The following MYO16 variants were observed in gnomAD, a reference collection of about 807,000 sequenced individuals.
The protein encoded by MYO16 is unconventional myosin-XVI.
MYO16 carries 94 observed loss-of-function variants against 205.3 expected under a neutral mutation model. That is an observed-to-expected ratio of 0.46 (90% CI 0.39 to 0.54). The LOEUF is 0.54. MYO16 is among the 20% of genes least tolerant of loss of function. MYO16 has a pLI of 0.00. For synonymous variants in MYO16, 988 were observed against 954.0 expected, an observed-to-expected ratio of 1.04 and a Z score of -0.66; for missense variants, 2,315 against 2,387.5, an observed-to-expected ratio of 0.97 and a Z score of 0.63.
chr13:108,750,722 G>C (rs1409667640), intron 4 of MYO16, among the ~76,000 whole-genome samples: 1 of 151,990 alleles, frequency 6.6e-6, no homozygotes, highest in Non-Finnish European at 1.5e-5. Context: ...CGGGGGAATC[G>C]TTTGAACCTA....
intron 28 of MYO16, among the ~76,000 whole-genome samples, chr13:109,109,604 A>T (rs757950536): frequency 1.7e-4 from 26 of 150,218 alleles, no homozygotes; most frequent in Non-Finnish European, 3.1e-4. Context: ...AGAGGACCTC[A>T]CCGTGGCAAC....
At chr13:109,159,565 A>G (rs1034968839) in intron 32 of MYO16, among the ~76,000 whole-genome samples, 9 of 152,262 alleles carry the variant, frequency 5.9e-5, no homozygotes, top group East Asian at 1.9e-4. Context: ...CTGAAAATAC[A>G]ACGCACATTG....
chr13:109,021,474 A>C (rs1302788773), intron 23 of MYO16, among the ~76,000 whole-genome samples: 1 of 152,188 alleles, frequency 6.6e-6, no homozygotes, highest in Non-Finnish European at 1.5e-5. Context: ...CAGCTAACAC[A>C]GCAGAAGCAG....
At chr13:108,835,721 T>C (rs1332291289) in intron 9 of MYO16, among the ~76,000 whole-genome samples, 1 of 151,860 alleles carries the variant, frequency 6.6e-6, no homozygotes, top group East Asian at 1.9e-4. Flanking sequence ...GAGGAACTTG[T>C]TGGGAACTGG....
intron 32 of MYO16, among the ~76,000 whole-genome samples, chr13:109,147,798 G>A (rs371750625): frequency 2.0e-5 from 3 of 152,064 alleles, no homozygotes; most frequent in East Asian, 1.9e-4. Context: ...AAAGTGGGGC[G>A]CTCCTCTGCA....
chr13:108,973,572 A>C (rs185484317), intron 20 of MYO16, among the ~76,000 whole-genome samples: 10 of 152,282 alleles, frequency 6.6e-5, no homozygotes, highest in African/African-American at 2.4e-4. Flanking sequence ...TGTGTCCCCA[A>C]GTCCGACTGA....
intron 17 of MYO16, among the ~76,000 whole-genome samples, chr13:108,958,628 G>T (rs1024474766): frequency 6.6e-6 from 1 of 152,144 alleles, no homozygotes; most frequent in African/African-American, 2.4e-5. Context: ...GTGGGCTGAA[G>T]AAATAAATGT....
chr13:108,915,362 A>C (rs1350743230), intron 16 of MYO16, among the ~76,000 whole-genome samples: 1 of 152,270 alleles, frequency 6.6e-6, no homozygotes, highest in African/African-American at 2.4e-5. Context: ...AAAACAAAAC[A>C]AAACAAAAAT....
intron 4 of MYO16, among the ~76,000 whole-genome samples, chr13:108,738,340 G>A (rs1481165797): frequency 6.6e-6 from 1 of 152,120 alleles, no homozygotes; most frequent in Non-Finnish European, 1.5e-5. Flanking sequence ...CTGTGTCTTT[G>A]TTCTCATTGG....
the MYO16 span, among the ~76,000 whole-genome samples, chr13:108,561,676 A>G: frequency 3.1e-3 from 471 of 152,368 alleles, 7 homozygotes; most frequent in South Asian, 0.05. Context: ...CTATTCAATC[A>G]CGCAGATATC....
intron 3 of MYO16, among the ~76,000 whole-genome samples, chr13:108,718,193 G>T (rs1200644448): frequency 2.0e-5 from 3 of 152,100 alleles, no homozygotes; most frequent in Non-Finnish European, 2.9e-5. Context: ...GGATTCTAGA[G>T]AAAATGCCTA....
At chr13:108,820,240 A>T in intron 7 of MYO16, 97 bp from the exon 8 acceptor site, 1 of 842,196 alleles carries the variant, frequency 1.2e-6, no homozygotes, top group Middle Eastern at 2.5e-4. Flanking sequence ...ATACTGTCTC[A>T]TGCCGGCTGT....
intron 31 of MYO16, among the ~76,000 whole-genome samples, chr13:109,137,437 C>T (rs1876832194): frequency 1.3e-5 from 2 of 152,336 alleles, no homozygotes; most frequent in South Asian, 2.1e-4. Context: ...TTATTCATAT[C>T]TTCAGAGCAA....
In MYO16 at chr13:109,162,666, C is replaced by A. The variant is rs1383402532; in HGVS notation, c.5165-2235C>A. Among the ~76,000 whole-genome samples, 2 of 152,116 alleles carry A rather than the reference C, an allele frequency of 1.3e-5. No homozygotes were observed. The highest frequency in any genetic ancestry group is 2.9e-5 in the Non-Finnish European group (2 of 68,030). ...GGGAGAGAAGCTCCCAGGTACCAGGCAGTGGTATTCATTATGTATCTCCCG... is the reference window on the plus strand; with the variant it reads ...GGGAGAGAAGCTCCCAGGTACCAGGAAGTGGTATTCATTATGTATCTCCCG... On this transcript the variant is annotated intron_variant, in intron 32 of 34. Coordinates refer to ENST00000457511, the MANE Select transcript of MYO16 (RefSeq NM_001198950.3). The surrounding 1 kb of genome is among the most constrained non-coding windows in gnomAD (Gnocchi z 4.6).
In MYO16 at chr13:108,892,681, A is replaced by G. The variant is rs1880228141; in HGVS notation, c.1659+4204A>G. On this transcript the variant is annotated intron_variant, in intron 14 of 34. Coordinates refer to ENST00000457511, the MANE Select transcript of MYO16 (RefSeq NM_001198950.3). ...ACAACATGGTTATAAAATAGCCTCA[A>G]GTTAACTAACGGAAATAACAGAAAC... Among the ~76,000 whole-genome samples, 5 of 152,234 alleles carry G rather than the reference A, an allele frequency of 3.3e-5. 1 individual carries two copies. The highest frequency in any genetic ancestry group is 3.3e-4 in the Admixed American group (5 of 15,284).
intron 1 of MYO16, among the ~76,000 whole-genome samples, chr13:108,603,813 CT>C (rs992622592): frequency 1.3e-5 from 2 of 152,148 alleles, no homozygotes; most frequent in Non-Finnish European, 2.9e-5. Context: ...ATAGATTACT[CT>C]TTTCCAAATC....
the MYO16 span, among the ~76,000 whole-genome samples, chr13:108,517,889 C>G: frequency 6.6e-6 from 1 of 152,162 alleles, no homozygotes; most frequent in South Asian, 2.1e-4. Flanking sequence ...TACGTTGTGC[C>G]TTGTTACTGT....
chr13:108,990,829 G>GA (rs1345431422), intron 20 of MYO16, among the ~76,000 whole-genome samples: 5 of 152,118 alleles, frequency 3.3e-5, no homozygotes, highest in South Asian at 2.1e-4. Context: ...CATTTTTAGA[G>GA]AAAAAATGGT....
At chr13:108,752,024 T>G (rs1328607377) in intron 4 of MYO16, among the ~76,000 whole-genome samples, 2 of 152,190 alleles carry the variant, frequency 1.3e-5, no homozygotes, top group Non-Finnish European at 1.5e-5. Flanking sequence ...GTATCTGTAG[T>G]AGTTCATTAA....
Sources: gnomAD v4.1 joint callset for allele counts (sites outside exome capture counted in the v4.1 genomes callset) on GRCh38, gnomAD v4.1.1 for gene constraint, Gnocchi (gnomAD v3.1) non-coding constraint, MANE v1.5 for transcripts, NCBI Gene and HGNC (gene_info 2026-07-23, HGNC 2026-07-21) for gene names.